Variants in CLRN1 observed in about 807,000 individuals in gnomAD.
CLRN1 encodes clarin 1.
CLRN1 carries 15 observed loss-of-function variants against 18.7 expected under a neutral mutation model. The observed-to-expected ratio is 0.80, with a 90% CI of 0.54 to 1.23. The LOEUF (loss-of-function observed/expected upper bound fraction) is 1.23, where lower values mean the gene tolerates loss of function less well. CLRN1 is among the 50% of genes most tolerant of loss of function. CLRN1 has a pLI of 0.00. For missense variants in CLRN1, 311 were observed against 277.5 expected, an observed-to-expected ratio of 1.12 and a Z score of -0.86; for synonymous variants, 104 against 102.9, an observed-to-expected ratio of 1.01 and a Z score of -0.07.
intron 2 of CLRN1, chr3:150,940,457 G>T: frequency 6.5e-7 from 1 of 1,532,906 alleles, no homozygotes; most frequent in Non-Finnish European, 8.7e-7. Context: ...AGAGAAGGGA[G>T]TAGTGTCAAG....
At chr3:150,935,691 C>G (rs1289036363) in intron 2 of CLRN1, among the ~76,000 whole-genome samples, 2 of 151,578 alleles carry the variant, frequency 1.3e-5, no homozygotes, top group Admixed American at 1.3e-4. Context: ...AATGGTATTT[C>G]TAGTTCTAGA....
At chr3:150,964,672 T>C (rs1242395663) in intron 1 of CLRN1, among the ~76,000 whole-genome samples, 1 of 152,156 alleles carries the variant, frequency 6.6e-6, no homozygotes, top group Non-Finnish European at 1.5e-5. Context: ...CCATCAATGA[T>C]AGACTAGATT....
intron 1 of CLRN1, among the ~76,000 whole-genome samples, chr3:150,959,928 G>A (rs1372869263): frequency 6.6e-6 from 1 of 152,092 alleles, no homozygotes; most frequent in African/African-American, 2.4e-5. Flanking sequence ...ACCTAAGTCT[G>A]TACGTAATGG....
At chr3:150,948,206 C>T (rs1039019071) in intron 1 of CLRN1, among the ~76,000 whole-genome samples, 6 of 151,732 alleles carry the variant, frequency 4.0e-5, no homozygotes, top group African/African-American at 1.5e-4. Flanking sequence ...AGAAATGGGC[C>T]GGGCGCGGTG....
intron 1 of CLRN1, among the ~76,000 whole-genome samples, chr3:150,966,552 G>T (rs79342965): frequency 6.6e-6 from 1 of 151,972 alleles, no homozygotes; most frequent in Non-Finnish European, 1.5e-5. Context: ...CATTTATTTC[G>T]GTATTTGTGG....
intron 1 of CLRN1, among the ~76,000 whole-genome samples, chr3:150,965,849 A>T (rs1715236446): frequency 6.6e-6 from 1 of 152,242 alleles, no homozygotes; most frequent in South Asian, 2.1e-4. Flanking sequence ...AACAATGTTG[A>T]TTCTGTACTT....
At chr3:150,961,304 C>G (rs1335241200) in intron 1 of CLRN1, among the ~76,000 whole-genome samples, 2 of 152,190 alleles carry the variant, frequency 1.3e-5, no homozygotes, top group African/African-American at 4.8e-5. Flanking sequence ...CCCTGAGGAA[C>G]TTTTAAAGCA....
chr3:150,947,966 A>G (rs566629302), intron 1 of CLRN1, among the ~76,000 whole-genome samples: 16 of 152,342 alleles, frequency 1.1e-4, no homozygotes, highest in Non-Finnish European at 1.9e-4. Context: ...AAACTAACAA[A>G]CTAACATCAG....
intron 1 of CLRN1, 48 bp from the exon 2 acceptor site, chr3:150,941,809 G>A (rs1713864379): frequency 6.7e-7 from 1 of 1,492,942 alleles, no homozygotes; most frequent in African/African-American, 1.4e-5. Flanking sequence ...ATTAGCAGTA[G>A]TCTGCAAGTA....
intron 1 of CLRN1, among the ~76,000 whole-genome samples, chr3:150,949,988 AG>A (rs1182113792): frequency 1.3e-5 from 2 of 152,208 alleles, no homozygotes; most frequent in Admixed American, 1.3e-4. Context: ...AACAGGATAG[AG>A]AGCCCCAAAA....
intron 1 of CLRN1, among the ~76,000 whole-genome samples, chr3:150,958,774 T>A (rs2107977718): frequency 6.6e-6 from 1 of 152,358 alleles, no homozygotes; most frequent in Middle Eastern, 3.4e-3. Flanking sequence ...TACTCATCCA[T>A]CTATAGCTCG....
rs541171209 is a variant in CLRN1, at chr3:150,942,811, T to C, written c.254-1050A>G. ...CCTTTGAACTTGGATTGGCCTTCGA[T>C]TGCTTTGACCTCCTGAATATGGCAG... On this transcript the variant is annotated intron_variant, in intron 1 of 2. Coordinates refer to ENST00000327047, the MANE Select transcript of CLRN1 (RefSeq NM_174878.3). Among the ~76,000 whole-genome samples the C allele has an allele frequency of 1.7e-4, 26 of 152,324 alleles. No homozygotes were observed. In the Middle Eastern group the frequency reaches 0.014, roughly 80 times the overall value.
chr3:150,939,179 G>A lies in CLRN1; in HGVS notation c.433+2403C>T, dbSNP rs189801137. On this transcript the variant is annotated intron_variant, in intron 2 of 2. Coordinates refer to ENST00000327047, the MANE Select transcript of CLRN1 (RefSeq NM_174878.3). ...TGTTTTCTGTCAAACATGAGCACCA[G>A]GGGGAGAGAGAAGACGAGAAAAGAA... Among the ~76,000 whole-genome samples, 112 of 152,266 alleles carry A rather than the reference G, an allele frequency of 7.4e-4. 1 individual carries two copies. The highest frequency in any genetic ancestry group is 1.2e-3 in the Non-Finnish European group (85 of 68,022).
chr3:150,926,513 T>C (rs1712799036), downstream of CLRN1: 3 of 456,368 alleles, frequency 6.6e-6, no homozygotes, highest in Admixed American at 3.3e-5. Flanking sequence ...CTAGACTGAA[T>C]TGTAGTCTTC....
Position 150,941,779 on chromosome 3 carries a change from CT to C in CLRN1, c.254-19del. The stretch of plus-strand genomic sequence containing the variant: ...TGGAAAAACTGAAGATAAGACAAAA[CT>C]AGGGTTAGAAGAAGTTTCATTAGCA... On this transcript the variant is annotated intron_variant, in intron 1 of 2. Coordinates refer to ENST00000327047, the MANE Select transcript of CLRN1 (RefSeq NM_174878.3). 6.2e-7 allele frequency: 1 copy of C among 1,611,948 alleles called. No homozygotes were observed. The highest frequency in any genetic ancestry group is 1.1e-5 in the South Asian group (1 of 90,882).
intron 1 of CLRN1, among the ~76,000 whole-genome samples, chr3:150,968,313 CATT>C (rs924143353): frequency 2.0e-5 from 3 of 152,114 alleles, no homozygotes; most frequent in Admixed American, 2.0e-4. Flanking sequence ...TAAACATCAT[CATT>C]AAAATTTTAC....
chr3:150,948,328 CAA>C (rs1378073636), intron 1 of CLRN1, among the ~76,000 whole-genome samples: 5 of 151,522 alleles, frequency 3.3e-5, no homozygotes, highest in African/African-American at 1.2e-4. Context: ...ACTAAAAATA[CAA>C]AAAATTAGCC....
intron 2 of CLRN1, among the ~76,000 whole-genome samples, chr3:150,941,134 G>GTCTATCTATCTATCTATCTATCTA (rs147455281): frequency 2.3e-5 from 3 of 131,720 alleles, no homozygotes; most frequent in South Asian, 2.4e-4. Flanking sequence ...TTGTCTGTCT[G>GTCTATCTATCTATCTATCTATCTA]TCTGTCTATC....
chr3:150,928,822 G>A (rs1712972892), intron 2 of CLRN1, among the ~76,000 whole-genome samples: 1 of 152,190 alleles, frequency 6.6e-6, no homozygotes. Context: ...ACATGTGAGT[G>A]TCTTGAATTA....
Sources: allele counts gnomAD v4.1 joint callset (sites outside exome capture counted in the v4.1 genomes callset), GRCh38; gene constraint gnomAD v4.1.1; transcripts MANE v1.5; gene names NCBI Gene and HGNC (gene_info 2026-07-23, HGNC 2026-07-21).